Variants in CPNE4 observed in about 807,000 individuals in gnomAD.
The protein encoded by CPNE4 is copine 4, also known as copine-4.
In CPNE4, 25 loss-of-function variants were observed where a neutral mutation model predicts 67.9. That is an observed-to-expected ratio of 0.37 (90% CI 0.27 to 0.51). The LOEUF is 0.51. Among genes scored for constraint, CPNE4 ranks in the 20% least tolerant of loss-of-function variants. The pLI, the probability that CPNE4 is intolerant of heterozygous loss-of-function variation, is 0.93. For synonymous variants in CPNE4, 242 were observed against 244.9 expected, an observed-to-expected ratio of 0.99 and a Z score of 0.11; for missense variants, 464 against 690.8, an observed-to-expected ratio of 0.67 and a Z score of 3.68.
intron 7 of CPNE4, among the ~76,000 whole-genome samples, chr3:131,616,191 C>G (rs1197907040): frequency 6.6e-6 from 1 of 152,012 alleles, no homozygotes; most frequent in Non-Finnish European, 1.5e-5. Flanking sequence ...GAACTTGAGA[C>G]AGAGAAAAAG....
chr3:131,711,882 A>C (rs2107724015), intron 3 of CPNE4, among the ~76,000 whole-genome samples: 1 of 152,286 alleles, frequency 6.6e-6, no homozygotes, highest in African/African-American at 2.4e-5. Flanking sequence ...TTCGTGCCCC[A>C]AGCCCTCCTG....
At chr3:131,808,177 A>T (rs937593077) in intron 2 of CPNE4, among the ~76,000 whole-genome samples, 2 of 152,172 alleles carry the variant, frequency 1.3e-5, no homozygotes, top group African/African-American at 4.8e-5. Context: ...CCTAAACGGA[A>T]TGTCCATCAT....
intron 2 of CPNE4, among the ~76,000 whole-genome samples, chr3:131,844,087 G>A (rs2085901077): frequency 6.6e-6 from 1 of 151,930 alleles, no homozygotes; most frequent in Non-Finnish European, 1.5e-5. Context: ...CTTATCTCTG[G>A]TTACTACTCT....
In CPNE4 at chr3:131,792,680, C is replaced by CATATAT. The variant is rs2083783007; in HGVS notation, c.181-69056_181-69055insATATAT. On this transcript the variant is annotated intron_variant, in intron 2 of 15. Coordinates refer to ENST00000429747, the MANE Select transcript of CPNE4 (RefSeq NM_130808.3). ...ACACACGTGTATATATACATATATA[C>CATATAT]ACACGTGTATATATACATATACACA... Among the ~76,000 whole-genome samples the CATATAT allele has an allele frequency of 4.2e-5, 2 of 47,166 alleles. 1 individual carries two copies. Among genetic ancestry groups the CATATAT allele is most frequent in the South Asian group, 1.2e-3 (2 of 1,644 alleles). The allele number at this position is 47,166 out of a possible 152,430, so 30.9% of individuals were successfully genotyped here. A position where few individuals can be genotyped will look rare whatever the true frequency, so the allele number is the denominator to read the frequency against.
At chr3:131,952,639 G>A (rs1431082549) in intron 1 of CPNE4, among the ~76,000 whole-genome samples, 19 of 142,652 alleles carry the variant, frequency 1.3e-4, no homozygotes, top group South Asian at 2.3e-4. Context: ...CCCCCCTCCC[G>A]GCCAGCCGCC....
intron 7 of CPNE4, among the ~76,000 whole-genome samples, chr3:131,608,556 G>A (rs1405138819): frequency 6.6e-6 from 1 of 152,110 alleles, no homozygotes; most frequent in Non-Finnish European, 1.5e-5. Context: ...GCACAGTGTT[G>A]GTTATGCCTG....
At chr3:131,946,685 T>C (rs2071561343) in intron 1 of CPNE4, among the ~76,000 whole-genome samples, 1 of 152,226 alleles carries the variant, frequency 6.6e-6, no homozygotes, top group Admixed American at 6.5e-5. Flanking sequence ...TTTTCTCCCA[T>C]TCTGTAAAGT....
intron 1 of CPNE4, among the ~76,000 whole-genome samples, chr3:131,935,798 T>G (rs1163719107): frequency 6.6e-6 from 1 of 152,016 alleles, no homozygotes; most frequent in Non-Finnish European, 1.5e-5. Context: ...ACAAAATATT[T>G]GCAGAAGTTG....
chr3:131,925,965 A>G (rs967477118), intron 1 of CPNE4, among the ~76,000 whole-genome samples: 2 of 152,182 alleles, frequency 1.3e-5, no homozygotes, highest in African/African-American at 4.8e-5. Context: ...AACACAATTG[A>G]TTCTTTCTTC....
intron 2 of CPNE4, among the ~76,000 whole-genome samples, chr3:131,879,821 C>G (rs759522192): frequency 1.3e-5 from 2 of 152,086 alleles, no homozygotes; most frequent in African/African-American, 2.4e-5. Context: ...GAGGTCAGAC[C>G]TTTGCACACA....
chr3:131,910,458 T>C (rs747501), intron 1 of CPNE4, among the ~76,000 whole-genome samples: 77,035 of 152,006 alleles, frequency 0.51, 20,122 homozygotes, highest in East Asian at 0.65. Context: ...GGGATTCAGA[T>C]GCACTTGATT....
chr3:131,848,063 C>T (rs2086074322), intron 2 of CPNE4, among the ~76,000 whole-genome samples: 1 of 152,108 alleles, frequency 6.6e-6, no homozygotes, highest in Non-Finnish European at 1.5e-5. Flanking sequence ...TAGTCTGGGC[C>T]TTCTCTATAC....
intron 5 of CPNE4, among the ~76,000 whole-genome samples, chr3:131,693,044 A>T (rs1431194469): frequency 6.6e-6 from 1 of 152,204 alleles, no homozygotes; most frequent in African/African-American, 2.4e-5. Flanking sequence ...TAGATAAATA[A>T]GTTATTTATC....
At chr3:131,969,338 T>C (rs910922597) in intron 1 of CPNE4, among the ~76,000 whole-genome samples, 1 of 151,910 alleles carries the variant, frequency 6.6e-6, no homozygotes. Flanking sequence ...CAAACCTGCA[T>C]GTTCTGCACA....
At chr3:131,567,022 C>T (rs759143822) in intron 10 of CPNE4, among the ~76,000 whole-genome samples, 12 of 151,892 alleles carry the variant, frequency 7.9e-5, no homozygotes, top group Non-Finnish European at 1.6e-4. Flanking sequence ...TGATGCCTTC[C>T]ATCATGGGTC....
intron 2 of CPNE4, among the ~76,000 whole-genome samples, chr3:131,736,922 CA>C (rs2082248074): frequency 6.6e-6 from 1 of 152,132 alleles, no homozygotes; most frequent in Admixed American, 6.6e-5. Context: ...TTAATCTCAA[CA>C]GATCTTCAAT....
intron 1 of CPNE4, among the ~76,000 whole-genome samples, chr3:131,978,138 A>AT: frequency 1.2e-5 from 1 of 81,126 alleles, no homozygotes; most frequent in South Asian, 3.2e-4. Flanking sequence ...ATATTTATAT[A>AT]AATATATATA....
intron 2 of CPNE4, among the ~76,000 whole-genome samples, chr3:131,786,541 C>G (rs2083568219): frequency 6.6e-6 from 1 of 152,086 alleles, no homozygotes; most frequent in East Asian, 1.9e-4. Context: ...GAGATAAACA[C>G]TTATATGTCT....
intron 7 of CPNE4, among the ~76,000 whole-genome samples, chr3:131,592,490 T>A (rs1938593819): frequency 6.6e-6 from 1 of 152,186 alleles, no homozygotes. Context: ...TATTTACAGG[T>A]TAACTGCCAT....
Sources: gnomAD v4.1 joint callset for allele counts (sites outside exome capture counted in the v4.1 genomes callset) on GRCh38, gnomAD v4.1.1 for gene constraint, MANE v1.5 for transcripts, NCBI Gene and HGNC (gene_info 2026-07-23, HGNC 2026-07-21) for gene names.